UGT2B7: variants seen among roughly 807,000 people sequenced by gnomAD.
UGT2B7 encodes UDP-glucuronosyltransferase 2B7.
A neutral mutation model predicts 51.9 loss-of-function variants in UGT2B7; 51 were observed. The ratio of observed to expected loss-of-function variants is 0.98; its 90% CI spans 0.78 to 1.24. The LOEUF (loss-of-function observed/expected upper bound fraction) is 1.24, where lower values mean the gene tolerates loss of function less well. Ranked by LOEUF, UGT2B7 falls within the 50% of genes most tolerant of loss-of-function variation. UGT2B7 has a pLI of 0.00. For synonymous variants in UGT2B7, 225 were observed against 211.6 expected (o/e 1.06, Z -0.55); for missense variants, 727 against 628.4 (o/e 1.16, Z -1.68).
intron 1 of UGT2B7, among the ~76,000 whole-genome samples, chr4:69,084,733 C>T (rs1718912300): frequency 1.3e-5 from 2 of 152,048 alleles, no homozygotes; most frequent in Admixed American, 1.3e-4. Context: ...TTTTCTGTTC[C>T]TGTGTTAGTT....
At chr4:69,094,338 CG>C (rs1560507519), upstream of UGT2B7, among the ~76,000 whole-genome samples, 3 of 48,210 alleles carry the variant, frequency 6.2e-5, 1 homozygote, top group Non-Finnish European at 1.0e-4. Context: ...TTAGTAGAGA[CG>C]GGGTTTCACC....
intron 1 of UGT2B7, among the ~76,000 whole-genome samples, chr4:69,059,037 G>T (rs1172356150): frequency 6.6e-6 from 1 of 152,222 alleles, no homozygotes; most frequent in Admixed American, 6.5e-5. Flanking sequence ...CCACCAGCCA[G>T]GGGCTGCCAC....
chr4:69,075,542 ATT>A (rs1718684545), intron 1 of UGT2B7, among the ~76,000 whole-genome samples: 2 of 152,264 alleles, frequency 1.3e-5, no homozygotes, highest in East Asian at 3.9e-4. Context: ...TCTCACAGGA[ATT>A]TGAGTCTTTT....
intron 5 of UGT2B7, among the ~76,000 whole-genome samples, chr4:69,110,555 T>C (rs1482671906): frequency 6.6e-6 from 1 of 152,110 alleles, no homozygotes; most frequent in Non-Finnish European, 1.5e-5. Flanking sequence ...GAAGACATAA[T>C]CTGTGCTTTA....
intron 1 of UGT2B7, among the ~76,000 whole-genome samples, chr4:69,078,083 T>C (rs1459735668): frequency 6.6e-6 from 1 of 152,180 alleles, no homozygotes; most frequent in African/African-American, 2.4e-5. Flanking sequence ...TGGTTCTTTT[T>C]ATGTCATGGA....
intron 5 of UGT2B7, among the ~76,000 whole-genome samples, chr4:69,110,141 C>T (rs4694177): frequency 0.59 from 89,764 of 151,852 alleles, 27,900 homozygotes; most frequent in African/African-American, 0.77. Context: ...ATGATACAAA[C>T]GCACATACAT....
intron 2 of UGT2B7, among the ~76,000 whole-genome samples, chr4:69,100,256 A>G (rs1719379668): frequency 6.6e-6 from 1 of 152,032 alleles, no homozygotes; most frequent in African/African-American, 2.4e-5. Flanking sequence ...ATAAAGCACA[A>G]ATAATTTATA....
chr4:69,085,427 T>C (rs1718928124), intron 1 of UGT2B7, among the ~76,000 whole-genome samples: 1 of 152,136 alleles, frequency 6.6e-6, no homozygotes, highest in Admixed American at 6.6e-5. Flanking sequence ...CTGTTCAGTC[T>C]GATGATAGTT....
At chr4:69,098,780 T>A (rs745702809) in intron 2 of UGT2B7, 92 bp downstream of exon 2, 1 of 1,563,524 alleles carries the variant, frequency 6.4e-7, no homozygotes, top group East Asian at 2.3e-5. Context: ...TGACTTACAC[T>A]GAAAGAAAGA....
chr4:69,098,219 C>T (rs536915800), intron 1 of UGT2B7, among the ~76,000 whole-genome samples: 23 of 151,920 alleles, frequency 1.5e-4, no homozygotes, highest in African/African-American at 4.6e-4. Flanking sequence ...ACTATTGAAG[C>T]TTTAAGAGAA....
At position 69,064,019 on chromosome 4, in the gene UGT2B7, G is replaced by GGAAAGAAAGAAAGAAAGACA. The variant is rs1718415606; in HGVS notation, c.-159+12435_-159+12436insCAGAAAGAAAGAAAGAAAGA. On this transcript the variant is annotated intron_variant, in intron 1 of 5. Coordinates refer to the UGT2B7 transcript ENST00000502942. Reference sequence around the variant, plus strand: ...AGGCATCAAAGGGGAAGATGAGATGGGAAAGAAAGAAAGAAAGAAAGAAAG... The same window carrying GGAAAGAAAGAAAGAAAGACA: ...AGGCATCAAAGGGGAAGATGAGATGGGAAAGAAAGAAAGAAAGACAGAAAGAAAGAAAGAAAGAAAGAAAG... Among the ~76,000 whole-genome samples the GGAAAGAAAGAAAGAAAGACA allele has an allele frequency of 8.5e-4, 51 of 60,206 alleles. 2 individuals are homozygous for GGAAAGAAAGAAAGAAAGACA. Among genetic ancestry groups the GGAAAGAAAGAAAGAAAGACA allele is most frequent in the Admixed American group, 1.6e-3 (8 of 4,852 alleles). The allele number at this position is 60,206 out of a possible 152,430, so 39.5% of individuals were successfully genotyped here.
chr4:69,060,704 G>A (rs1242950891), intron 1 of UGT2B7, among the ~76,000 whole-genome samples: 2 of 152,158 alleles, frequency 1.3e-5, no homozygotes, highest in Non-Finnish European at 2.9e-5. Flanking sequence ...ATCACTGCTC[G>A]GCTGGCACAG....
At chr4:69,096,059 T>C (rs915998792), upstream of UGT2B7, among the ~76,000 whole-genome samples, 2 of 152,200 alleles carry the variant, frequency 1.3e-5, no homozygotes, top group Non-Finnish European at 2.9e-5. Flanking sequence ...GAATATACTA[T>C]GAAACATTAA....
Position 69,107,225 on chromosome 4 carries a change from T to A in UGT2B7, c.1053T>A (p.Thr351=). The A allele has an allele frequency of 6.2e-7, 1 of 1,610,040 alleles. No individual in the cohort carries two copies. The highest frequency in any genetic ancestry group is 8.5e-7 in the Non-Finnish European group (1 of 1,177,396). The change falls in exon 4 of 6, where the codon ACT becomes ACA. Residue 351 remains threonine (T), a synonymous_variant. Coordinates refer to ENST00000305231, the MANE Select transcript of UGT2B7 (RefSeq NM_001074.4). The stretch of plus-strand genomic sequence containing the variant: ...AACCAGATACCTTAGGTCTCAATAC[T>A]CGGCTCTACAAGTGGATACCCCAGA... ...GNKPDTLGLN[T]RLYKWIPQND...
At chr4:69,106,024 A>G (rs114667457) in intron 3 of UGT2B7, among the ~76,000 whole-genome samples, 1,585 of 152,250 alleles carry the variant, frequency 0.01, 28 homozygotes, top group African/African-American at 0.036. Flanking sequence ...TATTTTTTAC[A>G]CTAGAATTAT....
At chr4:69,068,984 A>G (rs974582252) in intron 1 of UGT2B7, among the ~76,000 whole-genome samples, 6 of 152,068 alleles carry the variant, frequency 3.9e-5, no homozygotes, top group African/African-American at 1.4e-4. Flanking sequence ...CTTTATGACA[A>G]GAATAATTCT....
At chr4:69,080,827 C>A (rs994945422) in intron 1 of UGT2B7, among the ~76,000 whole-genome samples, 1 of 152,172 alleles carries the variant, frequency 6.6e-6, no homozygotes, top group South Asian at 2.1e-4. Context: ...TGCGATTCAA[C>A]TTATTTAAAT....
At chr4:69,064,070 AAGAAAGAAAGAAAGAAAGAAAGAAAG>A (rs1295978060) in intron 1 of UGT2B7, among the ~76,000 whole-genome samples, 1 of 108,100 alleles carries the variant, frequency 9.3e-6, no homozygotes, top group Admixed American at 8.8e-5. Context: ...GAAAGAAAGA[AAGAAAGAAAGAAAGAAAGAAAGAAAG>A]AGAAAGAAAG....
At chr4:69,085,285 T>C (rs191155930) in intron 1 of UGT2B7, among the ~76,000 whole-genome samples, 144 of 152,322 alleles carry the variant, frequency 9.5e-4, no homozygotes, top group African/African-American at 3.4e-3. Flanking sequence ...TCTGTTCATA[T>C]CCTTTACCCA....
Sources: gnomAD v4.1 joint callset for allele counts (sites outside exome capture counted in the v4.1 genomes callset) on GRCh38, gnomAD v4.1.1 for gene constraint, MANE v1.5 for transcripts, NCBI Gene and HGNC (gene_info 2026-07-23, HGNC 2026-07-21) for gene names.